Variants in OTOGL observed in about 807,000 individuals in gnomAD.
OTOGL encodes the protein otogelin-like protein.
A neutral mutation model predicts 318.5 loss-of-function variants in OTOGL; 285 were observed. The observed-to-expected ratio is 0.89, with a 90% CI of 0.81 to 0.99. The LOEUF (loss-of-function observed/expected upper bound fraction) is 0.99. Among genes scored for constraint, OTOGL ranks in the 50% least tolerant of loss-of-function variants. The pLI is 0.00. For synonymous variants in OTOGL, 987 were observed against 936.5 expected (o/e 1.05, Z -0.99); for missense variants, 2,899 against 2,845.6 (o/e 1.02, Z -0.43).
At chr12:80,261,502 G>A (rs1882522099) in intron 18 of OTOGL, among the ~76,000 whole-genome samples, 1 of 151,928 alleles carries the variant, frequency 6.6e-6, no homozygotes, top group Non-Finnish European at 1.5e-5. Context: ...TTTATATTTT[G>A]AGATATTTGT....
chr12:80,175,442 G>C (rs1161000594), intron 1 of OTOGL, among the ~76,000 whole-genome samples: 1 of 152,186 alleles, frequency 6.6e-6, no homozygotes, highest in African/African-American at 2.4e-5. Flanking sequence ...GTTGGTCCAA[G>C]TGAATTTACT....
At chr12:80,180,047 C>G (rs10862076) in intron 1 of OTOGL, among the ~76,000 whole-genome samples, 49,041 of 151,766 alleles carry the variant, frequency 0.32, 8,517 homozygotes, top group Middle Eastern at 0.45. Context: ...TGGTTTTATC[C>G]TACAAGTGCT....
intron 7 of OTOGL, among the ~76,000 whole-genome samples, chr12:80,226,361 T>C (rs1296099571): frequency 6.6e-6 from 1 of 152,172 alleles, no homozygotes; most frequent in Non-Finnish European, 1.5e-5. Flanking sequence ...TCTACTTGTA[T>C]ATTTTTCTAG....
chr12:80,351,025 G>A (rs1454384585), intron 44 of OTOGL, among the ~76,000 whole-genome samples: 1 of 151,962 alleles, frequency 6.6e-6, no homozygotes, highest in Non-Finnish European at 1.5e-5. Flanking sequence ...TAGTGGTTTT[G>A]TAGTTTCAGG....
intron 1 of OTOGL, among the ~76,000 whole-genome samples, chr12:80,162,413 C>T (rs1873573199): frequency 6.6e-6 from 1 of 152,062 alleles, no homozygotes; most frequent in Admixed American, 6.6e-5. Context: ...AGTTAGCTCT[C>T]ATAAGTATAC....
intron 1 of OTOGL, among the ~76,000 whole-genome samples, chr12:80,121,639 C>T (rs1035211948): frequency 1.4e-4 from 21 of 152,078 alleles, no homozygotes; most frequent in Non-Finnish European, 2.2e-4. Context: ...TCTAATTGGC[C>T]AAGTAAATAG....
At chr12:80,250,101 G>A (rs1881394115) in intron 11 of OTOGL, among the ~76,000 whole-genome samples, 1 of 152,114 alleles carries the variant, frequency 6.6e-6, no homozygotes, top group African/African-American at 2.4e-5. Flanking sequence ...TACCTCAGAT[G>A]GAAATGCAGA....
At position 80,211,962 on chromosome 12, in the gene OTOGL, GA is replaced by G. The variant is rs1877292313; in HGVS notation, c.137del (p.Asn46IlefsTer8). The G allele has an allele frequency of 3.2e-6, 5 of 1,574,342 alleles. No individual in the cohort carries two copies. The highest frequency in any genetic ancestry group is 1.3e-5 in the African/African-American group (1 of 74,492). On this transcript the variant is annotated frameshift_variant, in exon 4 of 59. Transcript: ENST00000547103. LOFTEE classifies it high-confidence loss of function. ...LMGTSKNGFN[E>X]NRQKRALLAA... ...GTTTTCTTCCAGAAACGGGTTTAAT[GA>G]AAATCGACAGAAAAGAGCTCTTTTA...
chr12:80,206,023 A>G (rs1290730293), intron 1 of OTOGL, among the ~76,000 whole-genome samples: 1 of 152,188 alleles, frequency 6.6e-6, no homozygotes, highest in Non-Finnish European at 1.5e-5. Context: ...TGTAGCAGAA[A>G]GGGAACTGTT....
At chr12:80,351,329 G>C (rs2137996258) in intron 44 of OTOGL, among the ~76,000 whole-genome samples, 1 of 150,098 alleles carries the variant, frequency 6.7e-6, no homozygotes, top group Non-Finnish European at 1.5e-5. Context: ...TTGTTTGTTT[G>C]TGTTTGAGAT....
chr12:80,371,303 T>C (rs1890861454), intron 56 of OTOGL, among the ~76,000 whole-genome samples: 1 of 152,120 alleles, frequency 6.6e-6, no homozygotes, highest in Non-Finnish European at 1.5e-5. Context: ...CTAGGCTTTG[T>C]TCCGTTGTAT....
chr12:80,192,902 G>C (rs528759059), intron 1 of OTOGL, among the ~76,000 whole-genome samples: 16 of 151,984 alleles, frequency 1.1e-4, no homozygotes, highest in African/African-American at 3.9e-4. Flanking sequence ...AAAAATAAAG[G>C]TTACTACTCA....
chr12:80,311,099 G>T (rs1886607732), intron 30 of OTOGL, among the ~76,000 whole-genome samples: 1 of 152,184 alleles, frequency 6.6e-6, no homozygotes, highest in Admixed American at 6.5e-5. Context: ...AGTATTGCTT[G>T]TAGCACATTT....
intron 11 of OTOGL, among the ~76,000 whole-genome samples, chr12:80,249,375 C>G (rs887371087): frequency 1.3e-5 from 2 of 151,212 alleles, no homozygotes; most frequent in Non-Finnish European, 2.9e-5. Flanking sequence ...GTTAGTTTCC[C>G]TTCTAACAGA....
chr12:80,373,142 G>A (rs1303685641), intron 57 of OTOGL, among the ~76,000 whole-genome samples: 1 of 151,994 alleles, frequency 6.6e-6, no homozygotes, highest in African/African-American at 2.4e-5. Context: ...TTAGGAAAGG[G>A]GCACAACAAA....
intron 4 of OTOGL, among the ~76,000 whole-genome samples, chr12:80,214,468 C>T (rs1455278832): frequency 6.6e-6 from 1 of 152,130 alleles, no homozygotes; most frequent in Non-Finnish European, 1.5e-5. Flanking sequence ...GGACTCTGCC[C>T]TCAGGCAAAG....
At chr12:80,125,509 T>G (rs1446267071) in intron 1 of OTOGL, among the ~76,000 whole-genome samples, 1 of 152,282 alleles carries the variant, frequency 6.6e-6, no homozygotes, top group East Asian at 1.9e-4. Context: ...CTTTTTTGAT[T>G]GTGTCTCTGC....
Position 80,358,312 on chromosome 12 carries a change from T to A in OTOGL, c.6084T>A (p.Leu2028=), listed in dbSNP as rs1375899046. The part of the protein sequence containing the change: ...CHDGEFLTVD[L]NSTHFCCPQY... ...ATGGGGAATTTCTCACAGTAGATCT[T>A]AATAGCACACACTTCTGTTGTCCTC... Residue 2028 remains leucine (L), a synonymous_variant, in exon 50 of 59, where the codon CTT becomes CTA. Coordinates refer to ENST00000547103, the MANE Select transcript of OTOGL (RefSeq NM_001378609.3). The A allele has an allele frequency of 1.9e-6, 3 of 1,610,000 alleles. No individual in the cohort carries two copies. The highest frequency in any genetic ancestry group is 2.5e-6 in the Non-Finnish European group (3 of 1,177,106).
At chr12:80,340,277 G>A (rs1401514609) in intron 43 of OTOGL, among the ~76,000 whole-genome samples, 1 of 151,976 alleles carries the variant, frequency 6.6e-6, no homozygotes, top group African/African-American at 2.4e-5. Flanking sequence ...TTAAAAATTT[G>A]AACATTTTTG....
Sources: allele counts gnomAD v4.1 joint callset (sites outside exome capture counted in the v4.1 genomes callset), GRCh38; gene constraint gnomAD v4.1.1; transcripts MANE v1.5; gene names NCBI Gene and HGNC (gene_info 2026-07-23, HGNC 2026-07-21).